The following DNAH7 variants were observed in gnomAD, a reference collection of about 807,000 sequenced individuals.
DNAH7 encodes axonemal beta dynein heavy chain 7.
A neutral mutation model predicts 444.6 loss-of-function variants in DNAH7; 397 were observed. The observed-to-expected ratio is 0.89, with a 90% CI of 0.82 to 0.97. The LOEUF (loss-of-function observed/expected upper bound fraction) is 0.97. Ranked by LOEUF, DNAH7 falls within the 50% of genes least tolerant of loss-of-function variation. The pLI is 0.00. For synonymous variants in DNAH7, 1,636 were observed against 1,624.4 expected, an observed-to-expected ratio of 1.01 and a Z score of -0.17; for missense variants, 4,902 against 4,800.8, an observed-to-expected ratio of 1.02 and a Z score of -0.62.
chr2:195,850,472 G>C (rs1228321151), intron 46 of DNAH7, among the ~76,000 whole-genome samples: 1 of 152,164 alleles, frequency 6.6e-6, no homozygotes, highest in Non-Finnish European at 1.5e-5. Flanking sequence ...TAGCACTGTA[G>C]GATTCTGTTT....
intron 5 of DNAH7, among the ~76,000 whole-genome samples, chr2:196,032,488 A>T (rs1696120547): frequency 1.3e-5 from 2 of 152,224 alleles, no homozygotes; most frequent in South Asian, 2.1e-4. Context: ...GCTGAAAACC[A>T]GGAGGTTATC....
At chr2:195,778,800 ATTT>A (rs1695231599) in intron 58 of DNAH7, among the ~76,000 whole-genome samples, 2 of 148,140 alleles carry the variant, frequency 1.4e-5, no homozygotes, top group South Asian at 4.2e-4. Flanking sequence ...ATCCATATAT[ATTT>A]GACAATTTGA....
intron 24 of DNAH7, among the ~76,000 whole-genome samples, chr2:195,921,685 C>A (rs1011211684): frequency 3.3e-5 from 5 of 152,102 alleles, no homozygotes; most frequent in African/African-American, 1.2e-4. Context: ...TCAGAAATCA[C>A]CACTAAAGAA....
At chr2:196,016,605 T>C (rs544153171) in intron 9 of DNAH7, among the ~76,000 whole-genome samples, 34 of 152,312 alleles carry the variant, frequency 2.2e-4, no homozygotes, top group African/African-American at 7.0e-4. Context: ...CCCTGAAGTA[T>C]GTAGAAGGTC....
chr2:195,892,056 A>C (rs1021808695), intron 30 of DNAH7, among the ~76,000 whole-genome samples: 2 of 152,124 alleles, frequency 1.3e-5, no homozygotes, highest in African/African-American at 4.8e-5. Flanking sequence ...CAAAATACTT[A>C]GGAAGAAATT....
chr2:195,788,595 T>C (rs987190959), intron 57 of DNAH7, among the ~76,000 whole-genome samples: 3 of 152,168 alleles, frequency 2.0e-5, no homozygotes, highest in Non-Finnish European at 4.4e-5. Context: ...AAAAGTTGCA[T>C]AAATTTAACC....
At chr2:195,918,925 G>T (rs905713648) in intron 24 of DNAH7, among the ~76,000 whole-genome samples, 13 of 152,076 alleles carry the variant, frequency 8.5e-5, no homozygotes, top group Non-Finnish European at 8.8e-5. Flanking sequence ...ATCAATATTG[G>T]TTTATCAATT....
chr2:195,832,695 G>A (rs1464114501), intron 48 of DNAH7, among the ~76,000 whole-genome samples: 2 of 152,070 alleles, frequency 1.3e-5, no homozygotes, highest in Non-Finnish European at 2.9e-5. Context: ...TCCCGTCTCA[G>A]CCTCCTAAAG....
intron 58 of DNAH7, among the ~76,000 whole-genome samples, chr2:195,783,041 C>A (rs1004193971): frequency 6.6e-6 from 1 of 152,138 alleles, no homozygotes; most frequent in East Asian, 1.9e-4. Context: ...ATCCACTCGC[C>A]CATCTGCTCT....
intron 17 of DNAH7, 57 bp from the exon 18 acceptor site, chr2:195,961,002 TTAAG>T: frequency 7.5e-7 from 1 of 1,326,872 alleles, no homozygotes; most frequent in African/African-American, 1.5e-5. Context: ...ATACTGCAAA[TTAAG>T]TTTTTTTAAA....
chr2:195,920,806 T>C (rs1342602801), intron 24 of DNAH7, among the ~76,000 whole-genome samples: 1 of 152,138 alleles, frequency 6.6e-6, no homozygotes, highest in African/African-American at 2.4e-5. Context: ...GAGAAAATAT[T>C]TGCAAACTAT....
chr2:195,941,241 A>G (rs1689416821), intron 19 of DNAH7, among the ~76,000 whole-genome samples: 1 of 152,184 alleles, frequency 6.6e-6, no homozygotes, highest in Non-Finnish European at 1.5e-5. Context: ...TGAAGCTGGA[A>G]GCCATCATTC....
At chr2:196,018,130 C>CA (rs1474009939) in intron 9 of DNAH7, among the ~76,000 whole-genome samples, 1 of 151,950 alleles carries the variant, frequency 6.6e-6, no homozygotes. Context: ...AAAACACTGA[C>CA]AAAGATATAA....
In DNAH7 at chr2:195,794,460, C is replaced by T; in HGVS notation, c.10594G>A (p.Val3532Ile). The T allele has an allele frequency of 1.1e-5, 17 of 1,614,148 alleles. No individual in the cohort carries two copies. The highest frequency in any genetic ancestry group is 1.4e-5 in the Non-Finnish European group (16 of 1,179,998). Reference protein sequence around the residue: ...SYPSPNFPVSVLQNGVKMTNE... With the variant: ...SYPSPNFPVSILQNGVKMTNE... ...GTCATTTTCACTCCATTCTGCAGTACTGACACAGGGAAATTTGGAGATGGG... is the reference window on the plus strand; with the variant it reads ...GTCATTTTCACTCCATTCTGCAGTATTGACACAGGGAAATTTGGAGATGGG... The change falls in exon 57 of 65, where the codon GTA becomes ATA. Residue 3532 changes from valine to isoleucine, a missense_variant. Val to Ile is a conservative substitution (Grantham distance 29). Transcript: ENST00000312428.
chr2:195,875,676 T>C lies in DNAH7; in HGVS notation c.6285A>G (p.Pro2095=), dbSNP rs529357254. 6.4e-7 allele frequency: 1 copy of C among 1,561,946 alleles called. No homozygotes were observed. Among genetic ancestry groups the C allele is most frequent in the Admixed American group, 2.0e-5 (1 of 49,830 alleles). ...TAATCACAAACTCAAAAAATGTACC[T>C]GGAGGTCCCATAGCACACATGATCT... ...DIQIMCAMGP[P]GGGRNPVTPR... is the part of the protein sequence containing the mutation. Residue 2095 remains proline (P), a splice_region_variant and synonymous_variant, in exon 38 of 65, where the codon CCA becomes CCG. Coordinates refer to ENST00000312428, the MANE Select transcript of DNAH7 (RefSeq NM_018897.3).
chr2:195,745,351 T>A (rs1206152698), intron 63 of DNAH7, among the ~76,000 whole-genome samples: 2 of 152,142 alleles, frequency 1.3e-5, no homozygotes, highest in Non-Finnish European at 2.9e-5. Context: ...AATATGGGAT[T>A]ATGTGAAAAG....
In DNAH7 at chr2:195,888,796, T is replaced by C. The variant is rs1559188548; in HGVS notation, c.5229+3A>G. ...TAAAAAGATGTCAAAATGGAGAACT[T>C]ACAGTGGCAGGGGAAGCAACTTCTA... On this transcript the variant is annotated splice_donor_region_variant and intron_variant, in intron 32 of 64. Coordinates refer to ENST00000312428, the MANE Select transcript of DNAH7 (RefSeq NM_018897.3). 3 of 1,609,402 alleles carry C rather than the reference T, an allele frequency of 1.9e-6. No homozygotes were observed. Among genetic ancestry groups the C allele is most frequent in the Non-Finnish European group, 2.5e-6 (3 of 1,178,322 alleles).
intron 24 of DNAH7, among the ~76,000 whole-genome samples, chr2:195,921,626 T>A (rs1483641998): frequency 1.3e-5 from 2 of 152,076 alleles, no homozygotes; most frequent in Non-Finnish European, 1.5e-5. Flanking sequence ...GATAAAAGAC[T>A]ACACATTGGG....
intron 15 of DNAH7, among the ~76,000 whole-genome samples, chr2:195,974,967 G>T (rs1282755764): frequency 6.6e-6 from 1 of 152,076 alleles, no homozygotes; most frequent in African/African-American, 2.4e-5. Flanking sequence ...ATAATTTCCT[G>T]TGTATAGAAA....
Sources: gnomAD v4.1 joint callset for allele counts (sites outside exome capture counted in the v4.1 genomes callset) on GRCh38, gnomAD v4.1.1 for gene constraint, MANE v1.5 for transcripts, NCBI Gene and HGNC (gene_info 2026-07-23, HGNC 2026-07-21) for gene names.